Variants in SACS observed in about 807,000 individuals in gnomAD.
The protein encoded by SACS is sacsin.
In SACS, 197 loss-of-function variants were observed where a neutral mutation model predicts 348.0. The observed-to-expected ratio is 0.57, with a 90% CI of 0.50 to 0.64. The LOEUF (loss-of-function observed/expected upper bound fraction) is 0.64, where lower values mean the gene tolerates loss of function less well. Among genes scored for constraint, SACS ranks in the 30% least tolerant of loss-of-function variants. The pLI, the probability that SACS is intolerant of heterozygous loss-of-function variation, is 0.00. For synonymous variants in SACS, 1,985 were observed against 1,910.6 expected (o/e 1.04, Z -1.02); for missense variants, 4,999 against 5,360.8 (o/e 0.93, Z 2.11).
At position 23,339,011 on chromosome 13, in the gene SACS, A is replaced by G. The variant is rs534096712; in HGVS notation, c.4865T>C (p.Ile1622Thr). The change falls in exon 10 of 10, where the codon ATA becomes ACA. Residue 1622 changes from isoleucine (I) to threonine (T), a missense_variant. Around this residue, in one of 6 missense-constraint regions of SACS, gnomAD observed 3,156 missense variants for 3,380.1 expected, o/e 0.93. Coordinates refer to ENST00000382292, the MANE Select transcript of SACS (RefSeq NM_014363.6). ...RKFPNQFKPF[I>T]DVFGCQLPLT... ...AGGTAACTGACAGCCAAATACATCT[A>G]TAAATGGTTTGAACTGATTAGGAAA... The G allele has an allele frequency of 1.2e-6, 2 of 1,613,814 alleles. No individual in the cohort carries two copies. The highest frequency in any genetic ancestry group is 3.3e-5 in the Admixed American group (2 of 60,020).
At chr13:23,376,124 G>A (rs1487926021) in intron 2 of SACS, among the ~76,000 whole-genome samples, 1 of 152,162 alleles carries the variant, frequency 6.6e-6, no homozygotes, top group Non-Finnish European at 1.5e-5. Context: ...AGTAAGATCA[G>A]AATGCACATA....
intron 2 of SACS, among the ~76,000 whole-genome samples, chr13:23,400,828 A>T (rs1872944206): frequency 6.6e-6 from 1 of 152,134 alleles, no homozygotes; most frequent in Non-Finnish European, 1.5e-5. Flanking sequence ...GCCTTCCCCA[A>T]ATCAAATCCT....
In SACS at chr13:23,330,122, T is replaced by G. The variant is rs1483447381; in HGVS notation, c.*14A>C. The G allele has an allele frequency of 3.1e-6, 5 of 1,609,140 alleles. No individual in the cohort carries two copies. In the African/African-American group the frequency reaches 5.3e-5, roughly 17 times the overall value. ...AACACATTCAAGATCTACCTTTTTT[T>G]TCGTTAAATATCTTCACACTTTTTG... On this transcript the variant is annotated 3_prime_UTR_variant, in exon 10 of 10. Transcript: ENST00000382292.
chr13:23,408,910 C>T (rs887499466), intron 2 of SACS, among the ~76,000 whole-genome samples: 5 of 144,442 alleles, frequency 3.5e-5, no homozygotes, highest in South Asian at 2.3e-4. Flanking sequence ...TGCAGTGAGC[C>T]GAGATTGCGC....
chr13:23,430,133 G>A (rs1179420167), intron 1 of SACS, among the ~76,000 whole-genome samples: 1 of 152,158 alleles, frequency 6.6e-6, no homozygotes, highest in East Asian at 1.9e-4. Context: ...ACTGGAACCC[G>A]GGAAGTGGAG....
rs781272328 is a variant in SACS, at chr13:23,340,645, A to G, written c.3231T>C (p.Val1077=). 3.7e-6 allele frequency: 6 copies of G among 1,603,226 alleles called. No homozygotes were observed. In the East Asian group the frequency reaches 1.3e-4, roughly 36 times the overall value. The change falls in exon 10 of 10, where the codon GTT becomes GTC. Residue 1077 remains valine, a synonymous_variant. Coordinates refer to ENST00000382292, the MANE Select transcript of SACS (RefSeq NM_014363.6). The part of the protein sequence containing the change: ...NEEGTYFPPS[V]FTSPDILHSL... The stretch of plus-strand genomic sequence containing the variant: ...AGTGAAGAATATCTGGTGAGGTAAA[A>G]ACTGAGGGTGGGAAATAGGTTCCTT...
At chr13:23,414,190 G>C (rs1162033333) in intron 1 of SACS, among the ~76,000 whole-genome samples, 1 of 152,200 alleles carries the variant, frequency 6.6e-6, no homozygotes, top group East Asian at 1.9e-4. Context: ...TGTAGTCCCA[G>C]CTACTCAGGA....
intron 1 of SACS, among the ~76,000 whole-genome samples, chr13:23,412,329 TTCTTCCAAGTGGCAGTATGTGCTTC>T: frequency 6.6e-6 from 1 of 152,182 alleles, no homozygotes; most frequent in Admixed American, 6.5e-5. Flanking sequence ...TTTCTCTGAC[TTCTTCCAAGTGGCAGTATGTGCTTC>T]ACTCACATGT....
Position 23,332,969 on chromosome 13 carries a change from C to T in SACS, c.10907G>A (p.Arg3636Gln), listed in dbSNP as rs281865119. 1.9e-5 allele frequency: 31 copies of T among 1,613,714 alleles called. No individual in the cohort carries two copies. Among genetic ancestry groups the T allele is most frequent in the Non-Finnish European group, 2.4e-5 (28 of 1,179,892 alleles). Residue 3636 changes from arginine to glutamine, a missense_variant, in exon 10 of 10, where the codon CGA becomes CAA. This residue lies in a region of SACS where 831 missense variants were observed against 941.8 expected (regional missense o/e 0.88). Coordinates refer to ENST00000382292, the MANE Select transcript of SACS (RefSeq NM_014363.6). ...DILLHHIFQE[R>Q]MDLLSGNFLK... ...AAAATTTCCAGATAACAAATCCATT[C>T]GTTCTTGGAATATATGATGCAGAAG...
chr13:23,341,123 TTC>T lies in SACS; in HGVS notation c.2751_2752del (p.Arg919AsnfsTer12), dbSNP rs1336929029. Reference sequence around the variant, plus strand: ...TATTGCCAATTCTTGAATAATTCTTTTCTCTTTCTCACTGCTATCGGTTAAAC... The same window carrying T: ...TATTGCCAATTCTTGAATAATTCTTTTCTTTCTCACTGCTATCGGTTAAAC... On this transcript the variant is annotated frameshift_variant, in exon 10 of 10. Coordinates refer to ENST00000382292, the MANE Select transcript of SACS (RefSeq NM_014363.6). LOFTEE classifies it high-confidence loss of function. 1 of 1,613,524 alleles carries T rather than the reference TTC, an allele frequency of 6.2e-7. No individual in the cohort carries two copies.
In SACS at chr13:23,364,571, G is replaced by A. The variant is rs554882192; in HGVS notation, c.457+595C>T. On this transcript the variant is annotated intron_variant, in intron 6 of 9. Coordinates refer to ENST00000382292, the MANE Select transcript of SACS (RefSeq NM_014363.6). ...GCTAGGATTACAGGCGTGAGCCACC[G>A]CACCCAGCCAGAGGTATACTACAAT... is the stretch of plus-strand genomic sequence containing the variant. 7.2e-5 allele frequency among the ~76,000 whole-genome samples: 11 copies of A among 152,276 alleles called. No individual in the cohort carries two copies. In the East Asian group the frequency reaches 7.7e-4, roughly 11 times the overall value.
At chr13:23,425,971 A>G (rs545682180) in intron 1 of SACS, among the ~76,000 whole-genome samples, 71 of 148,618 alleles carry the variant, frequency 4.8e-4, no homozygotes, top group Non-Finnish European at 9.1e-4. Context: ...TAGATTTGTT[A>G]AAGTGATTTC....
chr13:23,330,392 T>C lies in SACS; in HGVS notation c.13484A>G (p.Lys4495Arg), dbSNP rs749691551. The C allele has an allele frequency of 1.9e-6, 3 of 1,614,218 alleles. No homozygotes were observed. The highest frequency in any genetic ancestry group is 2.2e-5 in the East Asian group (1 of 44,886). Residue 4495 changes from lysine (K) to arginine (R), a missense_variant, in exon 10 of 10, where the codon AAG (lysine) becomes AGG (arginine). Around this residue, in one of 6 missense-constraint regions of SACS, gnomAD observed 254 missense variants for 275.1 expected, o/e 0.92. Coordinates refer to ENST00000382292, the MANE Select transcript of SACS (RefSeq NM_014363.6). ...LIAADYAVRG[K>R]SDKDVKPTAL... is the part of the protein sequence containing the mutation. ...AGTTGGTTTTACATCTTTATCAGAC[T>C]TTCCCCTCACAGCATAGTCAGCTGC...
intron 1 of SACS, among the ~76,000 whole-genome samples, chr13:23,423,431 A>C (rs980461433): frequency 1.8e-4 from 27 of 152,140 alleles, no homozygotes; most frequent in Non-Finnish European, 3.2e-4. Context: ...CACTAATAAC[A>C]AAAAACAATC....
intron 5 of SACS, among the ~76,000 whole-genome samples, chr13:23,366,826 T>C (rs1039615719): frequency 1.3e-5 from 2 of 152,220 alleles, no homozygotes; most frequent in Non-Finnish European, 1.5e-5. Flanking sequence ...TATTTGGTCT[T>C]GGGCAAGCCA....
In SACS at chr13:23,354,578, G is replaced by A. The variant is rs772289878; in HGVS notation, c.2034C>T (p.Pro678=). 8.7e-6 allele frequency: 14 copies of A among 1,613,990 alleles called. No homozygotes were observed. The highest frequency in any genetic ancestry group is 1.3e-5 in the African/African-American group (1 of 74,932). ...CTTGGTCTGATACAGATGAGGAGAA[G>A]GGGACAAAATTGCCATTTTGTAAAG... ...LLPLQNGNFV[P]FSSSVSDQDV... Residue 678 remains proline (P), a synonymous_variant, in exon 8 of 10, where the codon CCC becomes CCT. Transcript: ENST00000382292.
At chr13:23,405,334 G>T (rs1247923478) in intron 2 of SACS, among the ~76,000 whole-genome samples, 1 of 152,148 alleles carries the variant, frequency 6.6e-6, no homozygotes, top group Non-Finnish European at 1.5e-5. Context: ...TTAATAAATG[G>T]TATTGGGAAA....
chr13:23,368,884 A>G (rs927966688), intron 4 of SACS, among the ~76,000 whole-genome samples: 3 of 152,008 alleles, frequency 2.0e-5, no homozygotes, highest in Admixed American at 1.3e-4. Flanking sequence ...TATTTTTAGT[A>G]GAGATGGGGT....
intron 2 of SACS, 58 bp downstream of exon 2, chr13:23,411,162 C>T: frequency 6.8e-7 from 1 of 1,470,212 alleles, no homozygotes; most frequent in South Asian, 1.1e-5. Context: ...TGGGAAAATC[C>T]AACAAGTCTT....
Sources: gnomAD v4.1 joint callset for allele counts (sites outside exome capture counted in the v4.1 genomes callset) on GRCh38, gnomAD v4.1.1 for gene constraint, gnomAD v4.1.1 regional missense constraint, MANE v1.5 for transcripts, NCBI Gene and HGNC (gene_info 2026-07-23, HGNC 2026-07-21) for gene names.